Variants in MGAT4C observed in about 807,000 individuals in gnomAD.
MGAT4C encodes the protein alpha-1,3-mannosyl-glycoprotein 4-beta-N-acetylglucosaminyltransferase C.
In MGAT4C, 19 loss-of-function variants were observed where a neutral mutation model predicts 40.1. That is an observed-to-expected ratio of 0.47 (90% CI 0.33 to 0.70). MGAT4C has a LOEUF of 0.70. MGAT4C is among the 30% of genes least tolerant of loss of function. The pLI, the probability that MGAT4C is intolerant of heterozygous loss-of-function variation, is 0.02. For synonymous variants in MGAT4C, 181 were observed against 187.1 expected (o/e 0.97, Z 0.27); for missense variants, 491 against 563.2 (o/e 0.87, Z 1.30).
intron 1 of MGAT4C, among the ~76,000 whole-genome samples, chr12:86,076,741 G>A (rs541337050): frequency 2.0e-4 from 30 of 152,178 alleles, no homozygotes; most frequent in East Asian, 1.2e-3. Flanking sequence ...GGAAAAGACC[G>A]GCCCCCATGA....
At chr12:86,038,754 G>A (rs1891499061) in intron 2 of MGAT4C, among the ~76,000 whole-genome samples, 1 of 149,798 alleles carries the variant, frequency 6.7e-6, no homozygotes, top group African/African-American at 2.4e-5. Flanking sequence ...ATATTGTTAT[G>A]TGAGTTTGAT....
chr12:86,039,948 C>T (rs1041744973), intron 2 of MGAT4C, among the ~76,000 whole-genome samples: 5 of 152,174 alleles, frequency 3.3e-5, no homozygotes, highest in African/African-American at 1.2e-4. Flanking sequence ...CTATTCCTTT[C>T]TGTTTGTTAG....
intron 2 of MGAT4C, among the ~76,000 whole-genome samples, chr12:86,005,184 T>C (rs1887749591): frequency 1.3e-5 from 2 of 152,194 alleles, no homozygotes; most frequent in South Asian, 4.1e-4. Context: ...CTCAAAGACT[T>C]GTGCCACATT....
At chr12:86,637,888 A>T (rs1408551688) in intron 2 of MGAT4C, among the ~76,000 whole-genome samples, 1 of 151,900 alleles carries the variant, frequency 6.6e-6, no homozygotes, top group African/African-American at 2.4e-5. Context: ...GGCTTTAGAT[A>T]ATGCATTCTT....
intron 1 of MGAT4C, among the ~76,000 whole-genome samples, chr12:86,203,944 C>A (rs966508479): frequency 5.8e-5 from 7 of 121,460 alleles, no homozygotes; most frequent in Non-Finnish European, 8.8e-5. Context: ...GCAACGAGAG[C>A]GAAACTTCGT....
intron 2 of MGAT4C, among the ~76,000 whole-genome samples, chr12:86,615,435 C>T (rs892288960): frequency 6.6e-6 from 1 of 151,990 alleles, no homozygotes; most frequent in East Asian, 1.9e-4. Flanking sequence ...CAGCAAATAT[C>T]TCTGAGGTGA....
intron 3 of MGAT4C, among the ~76,000 whole-genome samples, chr12:86,428,366 A>T (rs1956972202): frequency 6.6e-6 from 1 of 152,110 alleles, no homozygotes; most frequent in Non-Finnish European, 1.5e-5. Flanking sequence ...AGCAGGACTG[A>T]GGAGCATAAT....
chr12:86,115,890 T>C (rs1878333075), intron 1 of MGAT4C, among the ~76,000 whole-genome samples: 1 of 151,950 alleles, frequency 6.6e-6, no homozygotes, highest in Non-Finnish European at 1.5e-5. Context: ...TCCACCATGA[T>C]CTCATTTTAA....
intron 2 of MGAT4C, among the ~76,000 whole-genome samples, chr12:86,574,098 A>C (rs201421908): frequency 4.0e-5 from 6 of 151,580 alleles, no homozygotes; most frequent in African/African-American, 9.7e-5. Flanking sequence ...GCTATTTTCT[A>C]TTCCCCTACC....
intron 2 of MGAT4C, among the ~76,000 whole-genome samples, chr12:86,507,341 T>C (rs529174624): frequency 7.2e-5 from 11 of 152,272 alleles, no homozygotes; most frequent in African/African-American, 2.6e-4. Flanking sequence ...TCCATTCCAC[T>C]AATATTGAGC....
chr12:86,393,817 C>T (rs900608300), intron 3 of MGAT4C, among the ~76,000 whole-genome samples: 1 of 152,040 alleles, frequency 6.6e-6, no homozygotes, highest in African/African-American at 2.4e-5. Flanking sequence ...TGAGACAGTC[C>T]TGCACTATAG....
At chr12:86,454,383 A>C (rs1957476458) in intron 2 of MGAT4C, among the ~76,000 whole-genome samples, 1 of 152,032 alleles carries the variant, frequency 6.6e-6, no homozygotes, top group South Asian at 2.1e-4. Context: ...GCAAACTGCT[A>C]CACCTGATTA....
intron 2 of MGAT4C, among the ~76,000 whole-genome samples, chr12:86,510,371 A>G (rs946248332): frequency 2.0e-5 from 3 of 152,196 alleles, no homozygotes; most frequent in South Asian, 4.1e-4. Context: ...AACCGGTACT[A>G]GCCACTGCAA....
intron 1 of MGAT4C, among the ~76,000 whole-genome samples, chr12:86,160,521 GT>G (rs1885477929): frequency 6.6e-6 from 1 of 151,992 alleles, no homozygotes; most frequent in South Asian, 2.1e-4. Context: ...AATATGTTCT[GT>G]GTGCAGATGA....
chr12:86,203,050 GTGTGTT>G (rs1322195683), intron 1 of MGAT4C, among the ~76,000 whole-genome samples: 2 of 107,798 alleles, frequency 1.9e-5, no homozygotes, highest in African/African-American at 3.3e-5. Flanking sequence ...GTGTGTGTGT[GTGTGTT>G]TTTACATAGC....
At position 86,317,329 on chromosome 12, in the gene MGAT4C, A is replaced by G. The variant is rs1433278256; in HGVS notation, c.-57+16736T>C. On this transcript the variant is annotated intron_variant, in intron 4 of 7. Transcript: ENST00000548651. ...TTTTAAAGAGGAAAGTCAAAAAATA[A>G]TATCATTAGTTGAAGAAATAAGAAA... is the stretch of plus-strand genomic sequence containing the variant. Among the ~76,000 whole-genome samples the G allele has an allele frequency of 3.9e-5, 6 of 152,250 alleles. No homozygotes were observed. The East Asian group carries it at 1.2e-3, about 29-fold the overall frequency.
At chr12:86,194,382 T>C (rs1429311870) in intron 1 of MGAT4C, among the ~76,000 whole-genome samples, 1 of 152,134 alleles carries the variant, frequency 6.6e-6, no homozygotes, top group Non-Finnish European at 1.5e-5. Flanking sequence ...AATCTGAGAT[T>C]TTTTAATGTA....
intron 2 of MGAT4C, among the ~76,000 whole-genome samples, chr12:86,512,319 A>T (rs1252052734): frequency 1.3e-5 from 2 of 152,134 alleles, no homozygotes; most frequent in East Asian, 3.8e-4. Context: ...GGGAAAGTAA[A>T]TTGGTGCAAC....
intron 3 of MGAT4C, among the ~76,000 whole-genome samples, chr12:86,392,051 T>C (rs1416736315): frequency 1.3e-5 from 2 of 152,156 alleles, no homozygotes; most frequent in Non-Finnish European, 2.9e-5. Context: ...GTGGTGATGA[T>C]TTTATGTATC....
Sources: allele counts gnomAD v4.1 joint callset (sites outside exome capture counted in the v4.1 genomes callset), GRCh38; gene constraint gnomAD v4.1.1; transcripts MANE v1.5; gene names NCBI Gene and HGNC (gene_info 2026-07-23, HGNC 2026-07-21).